MTX2: variants seen among roughly 807,000 people sequenced by gnomAD.
The protein encoded by MTX2 is metaxin-2.
A neutral mutation model predicts 42.3 loss-of-function variants in MTX2; 35 were observed. That is an observed-to-expected ratio of 0.83 (90% CI 0.63 to 1.10). The LOEUF (loss-of-function observed/expected upper bound fraction) is 1.10. MTX2 is among the 50% of genes least tolerant of loss of function. The probability of loss-of-function intolerance (pLI) is 0.00; values close to 1 mark genes in which losing one functional copy is unlikely to be tolerated. For synonymous variants in MTX2, 119 were observed against 100.9 expected (o/e 1.18, Z -1.08); for missense variants, 307 against 304.1 (o/e 1.01, Z -0.07).
At chr2:176,280,539 G>A (rs1202162667) in intron 1 of MTX2, among the ~76,000 whole-genome samples, 3 of 152,106 alleles carry the variant, frequency 2.0e-5, no homozygotes, top group African/African-American at 4.8e-5. Context: ...TGTTGTGAGT[G>A]GCACAAGGTG....
At chr2:176,333,800 A>C (rs1478764922) in intron 9 of MTX2, among the ~76,000 whole-genome samples, 2 of 151,688 alleles carry the variant, frequency 1.3e-5, no homozygotes, top group Non-Finnish European at 3.0e-5. Context: ...ATTGTGTTAC[A>C]GTTGCCTACA....
At chr2:176,314,009 G>A (rs1028502561) in intron 3 of MTX2, among the ~76,000 whole-genome samples, 1 of 151,908 alleles carries the variant, frequency 6.6e-6, no homozygotes, top group East Asian at 1.9e-4. Context: ...ACCACATTGA[G>A]CCCTTTTTAC....
At chr2:176,330,960 A>T (rs1454055348) in intron 9 of MTX2, among the ~76,000 whole-genome samples, 1 of 151,098 alleles carries the variant, frequency 6.6e-6, no homozygotes, top group East Asian at 1.9e-4. Context: ...ACAAAATCTT[A>T]ACAAAATTCT....
chr2:176,328,480 GAA>G, intron 6 of MTX2, 95 bp downstream of exon 6: 2 of 794,512 alleles, frequency 2.5e-6, no homozygotes, highest in Non-Finnish European at 3.7e-6. Flanking sequence ...TGAGAAATGG[GAA>G]AATAGTCAAG....
intron 8 of MTX2, among the ~76,000 whole-genome samples, chr2:176,330,195 G>T (rs901014499): frequency 6.6e-6 from 1 of 150,816 alleles, no homozygotes; most frequent in Non-Finnish European, 1.5e-5. Flanking sequence ...AGATTTTTTG[G>T]TATATGCAAA....
chr2:176,334,560 A>ATT (rs879363172), intron 9 of MTX2, among the ~76,000 whole-genome samples: 1 of 147,876 alleles, frequency 6.8e-6, no homozygotes, highest in Non-Finnish European at 1.5e-5. Flanking sequence ...GACCCTTGAG[A>ATT]TTTTTTTTTT....
At chr2:176,314,172 C>T (rs961765819) in intron 3 of MTX2, among the ~76,000 whole-genome samples, 1 of 152,120 alleles carries the variant, frequency 6.6e-6, no homozygotes, top group Non-Finnish European at 1.5e-5. Context: ...GGTGGTGACT[C>T]ACGCCTCTAA....
chr2:176,270,018 C>CT (rs1445021143), intron 1 of MTX2, among the ~76,000 whole-genome samples: 3 of 152,114 alleles, frequency 2.0e-5, no homozygotes, highest in Admixed American at 6.5e-5. Flanking sequence ...ACGCTTCAGT[C>CT]TAAGAGTGGT....
In MTX2 at chr2:176,328,330, A is replaced by G; in HGVS notation, c.323A>G (p.Lys108Arg). The change falls in exon 6 of 10, where the codon AAA becomes AGA. Residue 108 changes from lysine to arginine, a missense_variant. Transcript: ENST00000249442. The part of the protein sequence containing the change: ...SLSDGLEEVQ[K>R]AEMKAYMELV... The stretch of plus-strand genomic sequence containing the variant: ...AGTGATGGGCTGGAGGAAGTCCAAA[A>G]AGCAGAAATGAAAGCTTACATGGAA... The G allele has an allele frequency of 6.3e-7, 1 of 1,592,902 alleles. No individual in the cohort carries two copies. The highest frequency in any genetic ancestry group is 1.1e-5 in the South Asian group (1 of 87,660).
At chr2:176,315,806 T>TG (rs1280408467) in intron 3 of MTX2, among the ~76,000 whole-genome samples, 3 of 152,210 alleles carry the variant, frequency 2.0e-5, no homozygotes, top group African/African-American at 7.2e-5. Flanking sequence ...TGTTTAAACT[T>TG]GGACTGTTCT....
In MTX2 at chr2:176,329,919, ATCTG is replaced by A. The variant is rs1482427402; in HGVS notation, c.543+497_543+500del. On this transcript the variant is annotated intron_variant, in intron 8 of 9. Transcript: ENST00000249442. ...TATCTATCTGTCTATCTGTCTATCT[ATCTG>A]TCTATCTATATTTTTGCTACTAAAG... 3.3e-3 allele frequency among the ~76,000 whole-genome samples: 501 copies of A among 150,910 alleles called. 1 individual carries two copies. Among genetic ancestry groups the A allele is most frequent in the African/African-American group, 0.01 (426 of 41,352 alleles).
intron 1 of MTX2, among the ~76,000 whole-genome samples, chr2:176,269,933 A>T (rs1692757664): frequency 6.6e-6 from 1 of 151,594 alleles, no homozygotes; most frequent in South Asian, 2.1e-4. Flanking sequence ...TTCAGTTGGG[A>T]GGTGCTGGAG....
chr2:176,335,449 G>A (rs1328478874), intron 9 of MTX2, among the ~76,000 whole-genome samples: 1 of 151,890 alleles, frequency 6.6e-6, no homozygotes, highest in Non-Finnish European at 1.5e-5. Flanking sequence ...GCTTGGAGTT[G>A]GTATGATCTG....
chr2:176,299,594 A>T (rs1683975514), intron 3 of MTX2, among the ~76,000 whole-genome samples: 1 of 152,122 alleles, frequency 6.6e-6, no homozygotes, highest in South Asian at 2.1e-4. Flanking sequence ...TACGCAGCAT[A>T]TATTAAAATT....
intron 3 of MTX2, among the ~76,000 whole-genome samples, chr2:176,301,388 T>C (rs1284125436): frequency 1.3e-5 from 2 of 152,174 alleles, no homozygotes; most frequent in Non-Finnish European, 2.9e-5. Context: ...CACCTGTGCT[T>C]GTCACTGTGC....
intron 3 of MTX2, among the ~76,000 whole-genome samples, chr2:176,317,245 C>T (rs1684470321): frequency 6.6e-6 from 1 of 150,766 alleles, no homozygotes; most frequent in South Asian, 2.1e-4. Context: ...CTCCCTCCCT[C>T]TCTCTACACC....
intron 3 of MTX2, among the ~76,000 whole-genome samples, chr2:176,311,675 G>A (rs1684311173): frequency 6.6e-6 from 1 of 152,244 alleles, no homozygotes; most frequent in African/African-American, 2.4e-5. Flanking sequence ...TGCTAGCAGT[G>A]AGCAAGGCTC....
chr2:176,311,465 A>G (rs193271822), intron 3 of MTX2, among the ~76,000 whole-genome samples: 86 of 152,348 alleles, frequency 5.6e-4, no homozygotes, highest in Middle Eastern at 3.4e-3. Context: ...TGAAGTCTGC[A>G]GAAGTTGTCT....
intron 3 of MTX2, among the ~76,000 whole-genome samples, chr2:176,305,836 T>C (rs773587628): frequency 3.3e-5 from 5 of 152,276 alleles, no homozygotes; most frequent in African/African-American, 1.2e-4. Context: ...TAACATTTCA[T>C]ATTTTTTGGT....
Sources: allele counts gnomAD v4.1 joint callset (sites outside exome capture counted in the v4.1 genomes callset), GRCh38; gene constraint gnomAD v4.1.1; transcripts MANE v1.5; gene names NCBI Gene and HGNC (gene_info 2026-07-23, HGNC 2026-07-21).